Variants in CLVS2 observed in about 807,000 individuals in gnomAD.
CLVS2 encodes the protein clavesin-2.
A neutral mutation model predicts 29.0 loss-of-function variants in CLVS2; 19 were observed. That is an observed-to-expected ratio of 0.66 (90% CI 0.46 to 0.96). The LOEUF is 0.96. Among genes scored for constraint, CLVS2 ranks in the 40% least tolerant of loss-of-function variants. The pLI, the probability that CLVS2 is intolerant of heterozygous loss-of-function variation, is 0.00. For synonymous variants in CLVS2, 161 were observed against 151.3 expected, an observed-to-expected ratio of 1.06 and a Z score of -0.47; for missense variants, 294 against 404.1, an observed-to-expected ratio of 0.73 and a Z score of 2.34.
At chr6:123,029,247 G>A (rs1432557724) in intron 3 of CLVS2, among the ~76,000 whole-genome samples, 1 of 152,112 alleles carries the variant, frequency 6.6e-6, no homozygotes, top group African/African-American at 2.4e-5. Context: ...TGATCAGTGT[G>A]GTACACATTT....
chr6:123,018,406 C>T (rs906740004), intron 3 of CLVS2, among the ~76,000 whole-genome samples: 23 of 151,980 alleles, frequency 1.5e-4, no homozygotes, highest in African/African-American at 5.6e-4. Flanking sequence ...TCTGTAGATA[C>T]TGATGAAATT....
At chr6:123,051,862 A>G (rs1772616293) in intron 4 of CLVS2, among the ~76,000 whole-genome samples, 1 of 152,190 alleles carries the variant, frequency 6.6e-6, no homozygotes, top group Non-Finnish European at 1.5e-5. Flanking sequence ...ATATAAGGAG[A>G]GAAAAATAGT....
At chr6:123,020,251 T>G (rs1774900447) in intron 3 of CLVS2, among the ~76,000 whole-genome samples, 1 of 152,118 alleles carries the variant, frequency 6.6e-6, no homozygotes, top group African/African-American at 2.4e-5. Context: ...GTTTGCATTA[T>G]ACTTACCAGT....
At chr6:123,010,915 A>G in intron 2 of CLVS2, 70 bp from the exon 3 acceptor site, 1 of 1,050,476 alleles carries the variant, frequency 9.5e-7, no homozygotes, top group Non-Finnish European at 1.3e-6. Flanking sequence ...TTAGTGTGCT[A>G]GAAAATATTT....
At chr6:123,057,918 TG>T (rs1224215072) in intron 5 of CLVS2, among the ~76,000 whole-genome samples, 1 of 152,162 alleles carries the variant, frequency 6.6e-6, no homozygotes, top group African/African-American at 2.4e-5. Context: ...TGCTAAAAGT[TG>T]TATGCAAAAT....
chr6:123,044,212 A>G (rs757105287), intron 3 of CLVS2, among the ~76,000 whole-genome samples: 1 of 152,198 alleles, frequency 6.6e-6, no homozygotes, highest in Non-Finnish European at 1.5e-5. Flanking sequence ...CATTGTCTCC[A>G]GTGAAGAACT....
rs1022965677 is a variant in CLVS2, at chr6:123,030,835, A to AT, written c.565-17787_565-17786insT. On this transcript the variant is annotated intron_variant, in intron 3 of 5. Transcript: ENST00000275162. ...GTAAGGAGAATATATATATATATAT[A>AT]AAATATATATATATACACACACATA... is the stretch of plus-strand genomic sequence containing the variant. 3.4e-3 allele frequency among the ~76,000 whole-genome samples: 440 copies of AT among 127,596 alleles called. 2 individuals are homozygous for AT. The highest frequency in any genetic ancestry group is 0.019 in the South Asian group (71 of 3,726). The allele number at this position is 127,596 out of a possible 152,430, so 83.7% of individuals were successfully genotyped here. A position where few individuals can be genotyped will look rare whatever the true frequency, so the allele number is the denominator to read the frequency against.
chr6:123,042,056 C>T (rs1271524617), intron 3 of CLVS2, among the ~76,000 whole-genome samples: 1 of 151,934 alleles, frequency 6.6e-6, no homozygotes, highest in African/African-American at 2.4e-5. Context: ...TATGGTAAAT[C>T]CATATTATTT....
At chr6:123,023,492 A>G (rs934539168) in intron 3 of CLVS2, among the ~76,000 whole-genome samples, 2 of 152,116 alleles carry the variant, frequency 1.3e-5, no homozygotes, top group Non-Finnish European at 2.9e-5. Flanking sequence ...GCTTCCCATA[A>G]GGTTATTTAT....
At chr6:123,043,305 G>A (rs748644665) in intron 3 of CLVS2, among the ~76,000 whole-genome samples, 15 of 152,084 alleles carry the variant, frequency 9.9e-5, no homozygotes, top group Non-Finnish European at 4.4e-5. Context: ...TATTGAAAAT[G>A]TCTAGAGTAA....
intron 3 of CLVS2, among the ~76,000 whole-genome samples, chr6:123,039,762 C>T (rs1324808493): frequency 2.0e-5 from 3 of 152,132 alleles, no homozygotes; most frequent in Non-Finnish European, 4.4e-5. Flanking sequence ...CTTGCCCATT[C>T]AGTTATGATG....
At chr6:123,007,743 C>A (rs1197080838) in intron 2 of CLVS2, among the ~76,000 whole-genome samples, 1 of 152,108 alleles carries the variant, frequency 6.6e-6, no homozygotes, top group Admixed American at 6.6e-5. Context: ...TTCACAAATT[C>A]AAATTTTACT....
intron 3 of CLVS2, among the ~76,000 whole-genome samples, chr6:123,045,475 G>A (rs961714054): frequency 3.3e-5 from 5 of 151,882 alleles, no homozygotes; most frequent in African/African-American, 9.7e-5. Flanking sequence ...GAGGAAGGTG[G>A]GGTTCAGACA....
Position 123,048,691 on chromosome 6 carries a change from A to T in CLVS2, c.634A>T (p.Thr212Ser), listed in dbSNP as rs1772558595. 6.2e-7 allele frequency: 1 copy of T among 1,613,378 alleles called. No homozygotes were observed. Among genetic ancestry groups the T allele is most frequent in the Non-Finnish European group, 8.5e-7 (1 of 1,179,594 alleles). ...NQPWYIHALYTVIRPFLKEKT... is the reference protein window; with the variant it reads ...NQPWYIHALYSVIRPFLKEKT... ...ACCATGGTATATCCATGCCCTGTAC[A>T]CCGTGATCCGGCCTTTCCTGAAGGA... is the stretch of plus-strand genomic sequence containing the variant. The change falls in exon 4 of 6, where the codon ACC (threonine) becomes TCC (serine). Residue 212 changes from threonine (T) to serine (S), a missense_variant. Physicochemically the swap from Thr to Ser is moderately conservative, Grantham distance 58. Transcript: ENST00000275162.
chr6:122,999,441 C>T (rs1774558462), intron 2 of CLVS2, among the ~76,000 whole-genome samples: 1 of 152,016 alleles, frequency 6.6e-6, no homozygotes, highest in Non-Finnish European at 1.5e-5. Flanking sequence ...ATTCATAATG[C>T]TAAGAAACTC....
rs7757286 is a variant in CLVS2 at position 123,069,554 on chromosome 6, T to C, written c.*5793T>C. On this transcript the variant is annotated 3_prime_UTR_variant, in exon 6 of 6. Coordinates refer to ENST00000275162, the MANE Select transcript of CLVS2 (RefSeq NM_001010852.4). ...TCTTTGGCTCAAACTCAGAGGATTT[T>C]CTTTACACAGGATTCTTGAGGTTAT... 0.85 allele frequency: 128,408 copies of C among 151,674 alleles called. 54,623 individuals are homozygous for C. The highest frequency in any genetic ancestry group is 0.93 in the African/African-American group (38,380 of 41,438). 9.4% of individuals were successfully genotyped at this position (151,674 alleles called of 1,614,324 possible).
Position 123,065,908 on chromosome 6 carries a change from A to G in CLVS2, c.*2147A>G, listed in dbSNP as rs1204589159. On this transcript the variant is annotated 3_prime_UTR_variant, in exon 6 of 6. Coordinates refer to ENST00000275162, the MANE Select transcript of CLVS2 (RefSeq NM_001010852.4). The stretch of plus-strand genomic sequence containing the variant: ...GTTAGTGTCATATATAAAAATAACT[A>G]GAAAGGCATATTTTATATGTATGCC... 6.6e-6 allele frequency: 1 copy of G among 151,756 alleles called. No individual in the cohort carries two copies. Among genetic ancestry groups the G allele is most frequent in the Non-Finnish European group, 1.5e-5 (1 of 67,740 alleles). The allele number at this position is 151,756 out of a possible 1,614,324, so 9.4% of individuals were successfully genotyped here.
chr6:123,045,691 G>C (rs146233286), intron 3 of CLVS2, among the ~76,000 whole-genome samples: 24 of 152,262 alleles, frequency 1.6e-4, no homozygotes, highest in African/African-American at 5.5e-4. Context: ...TACAGGCCAG[G>C]CACCAATAGA....
At chr6:123,034,889 C>T (rs990289420) in intron 3 of CLVS2, among the ~76,000 whole-genome samples, 1 of 151,728 alleles carries the variant, frequency 6.6e-6, no homozygotes, top group African/African-American at 2.4e-5. Flanking sequence ...ATTATTATTT[C>T]AAAATGAAAA....
Sources: allele counts gnomAD v4.1 joint callset (sites outside exome capture counted in the v4.1 genomes callset), GRCh38; gene constraint gnomAD v4.1.1; transcripts MANE v1.5; gene names NCBI Gene and HGNC (gene_info 2026-07-23, HGNC 2026-07-21).